The following TNFRSF8 variants were observed in gnomAD, a reference collection of about 807,000 sequenced individuals.
The protein encoded by TNFRSF8 is tumor necrosis factor receptor superfamily member 8.
In TNFRSF8, 26 loss-of-function variants were observed where a neutral mutation model predicts 70.8. That is an observed-to-expected ratio of 0.37 (90% CI 0.27 to 0.51). TNFRSF8 has a LOEUF of 0.51. Ranked by LOEUF, TNFRSF8 falls within the 20% of genes least tolerant of loss-of-function variation. The pLI is 0.94. For missense variants in TNFRSF8, 720 were observed against 807.9 expected, an observed-to-expected ratio of 0.89 and a Z score of 1.32; for synonymous variants, 356 against 339.2, an observed-to-expected ratio of 1.05 and a Z score of -0.54.
In TNFRSF8 at chr1:12,115,665, C is replaced by G. The variant is rs765891942; in HGVS notation, c.882C>G (p.Thr294=). ...GCATGATCTGTGCCACATCAGCCACCAACTCCTGTGCCCGCTGTGTCCCCT... is the reference window on the plus strand; with the variant it reads ...GCATGATCTGTGCCACATCAGCCACGAACTCCTGTGCCCGCTGTGTCCCCT... The part of the protein sequence containing the change: ...RPGMICATSA[T]NSCARCVPYP... Residue 294 remains threonine, a synonymous_variant, in exon 8 of 15, where the codon ACC becomes ACG. Transcript: ENST00000263932. 6.2e-7 allele frequency: 1 copy of G among 1,614,182 alleles called. No homozygotes were observed. Among genetic ancestry groups the G allele is most frequent in the Non-Finnish European group, 8.5e-7 (1 of 1,180,018 alleles).
At chr1:12,123,180 A>T in intron 8 of TNFRSF8, 104 bp from the exon 9 acceptor site, 1 of 919,978 alleles carries the variant, frequency 1.1e-6, no homozygotes, top group Non-Finnish European at 1.7e-6. Context: ...CTTAGCTCCC[A>T]CGGTGTTGCC....
Position 12,137,558 on chromosome 1 carries a change from GTTTTTTTTTTGT to G in TNFRSF8, c.1336-661_1336-650del, listed in dbSNP as rs1279878177. Among the ~76,000 whole-genome samples the G allele has an allele frequency of 1.6e-4, 22 of 135,228 alleles. No homozygotes were observed. In the East Asian group the frequency reaches 3.9e-3, roughly 24 times the overall value. 88.7% of individuals were successfully genotyped at this position (135,228 alleles called of 152,430 possible). A position where few individuals can be genotyped will look rare whatever the true frequency, so the allele number is the denominator to read the frequency against. On this transcript the variant is annotated intron_variant, in intron 13 of 14. Transcript: ENST00000263932. ...CATAGCTGTTTTTTTGTTTTTTTTT[GTTTTTTTTTTGT>G]TTTTTTTTTAGCATTTAGAAAATAT...
intron 12 of TNFRSF8, among the ~76,000 whole-genome samples, chr1:12,126,852 C>T (rs867046708): frequency 2.0e-5 from 3 of 152,368 alleles, no homozygotes; most frequent in Middle Eastern, 3.4e-3. Context: ...GGCTGTTAAG[C>T]GCATCGTGGA....
At chr1:12,083,126 C>T (rs1641094199) in intron 1 of TNFRSF8, among the ~76,000 whole-genome samples, 1 of 152,162 alleles carries the variant, frequency 6.6e-6, no homozygotes, top group Non-Finnish European at 1.5e-5. Context: ...ACAGATCCAA[C>T]AAGATGGCTA....
In TNFRSF8 at chr1:12,112,102, G is replaced by C. The variant is rs1641644183; in HGVS notation, c.793+88G>C. 2 of 954,872 alleles carry C rather than the reference G, an allele frequency of 2.1e-6. No individual in the cohort carries two copies. The highest frequency in any genetic ancestry group is 3.3e-5 in the African/African-American group (2 of 60,522). The allele number at this position is 954,872 out of a possible 1,614,324, so 59.1% of individuals were successfully genotyped here. A position where few individuals can be genotyped will look rare whatever the true frequency, so the allele number is the denominator to read the frequency against. ...CCAGTAACTACTCCCCCTTATGTTT[G>C]TGGGTTTTTGATGGGGGTCGCCTCT... On this transcript the variant is annotated intron_variant, in intron 7 of 14. Transcript: ENST00000263932. The surrounding 1 kb of genome is among the most constrained non-coding windows in gnomAD (Gnocchi z 5.3).
chr1:12,136,182 A>G (rs1330178570), intron 13 of TNFRSF8, among the ~76,000 whole-genome samples: 1 of 152,030 alleles, frequency 6.6e-6, no homozygotes, highest in Non-Finnish European at 1.5e-5. Flanking sequence ...ATACACAACC[A>G]TAATGCTAGT....
Position 12,080,670 on chromosome 1 carries a change from G to T in TNFRSF8, c.64-3794G>T, listed in dbSNP as rs552327931. 156 of 246,704 alleles carry T rather than the reference G, an allele frequency of 6.3e-4. 2 individuals carry two copies. The highest frequency in any genetic ancestry group is 3.4e-3 in the African/African-American group (146 of 43,570). The allele number at this position is 246,704 out of a possible 1,614,324, so 15.3% of individuals were successfully genotyped here. Reference sequence around the variant, plus strand: ...CCTCCCAGATTCAAGCGATTCTCATGCCTCAGCCTCCTGAGTAGCTGGGAT... The same window carrying T: ...CCTCCCAGATTCAAGCGATTCTCATTCCTCAGCCTCCTGAGTAGCTGGGAT... On this transcript the variant is annotated intron_variant, in intron 1 of 14. Coordinates refer to ENST00000263932, the MANE Select transcript of TNFRSF8 (RefSeq NM_001243.5).
intron 4 of TNFRSF8, among the ~76,000 whole-genome samples, chr1:12,105,706 G>A (rs1332681524): frequency 1.3e-5 from 2 of 152,184 alleles, no homozygotes; most frequent in African/African-American, 2.4e-5. Context: ...GGGAGGCCAA[G>A]GCAGGCAGAT....
In TNFRSF8 at chr1:12,104,442, G is replaced by A. The variant is rs1238276488; in HGVS notation, c.332G>A (p.Gly111Asp). 6.2e-7 allele frequency: 1 copy of A among 1,614,134 alleles called. No individual in the cohort carries two copies. The highest frequency in any genetic ancestry group is 8.5e-7 in the Non-Finnish European group (1 of 1,180,030). The change falls in exon 4 of 15, where the codon GGC becomes GAC. Residue 111 changes from glycine to aspartate, a missense_variant. Transcript: ENST00000263932. Reference sequence around the variant, plus strand: ...TCCCGTGTCTGCGAATGTCGACCCGGCATGTTCTGTTCCACGTCTGCCGTC... The same window carrying A: ...TCCCGTGTCTGCGAATGTCGACCCGACATGTTCTGTTCCACGTCTGCCGTC... Reference protein sequence around the residue: ...NSSRVCECRPGMFCSTSAVNS... With the variant: ...NSSRVCECRPDMFCSTSAVNS...
At position 12,142,767 on chromosome 1, in the gene TNFRSF8, C is replaced by T; in HGVS notation, c.*236C>T. ...CCGGGGCTTGTACAGAAGAGACAGT[C>T]CAAGGGGACTGGATCCCAGCAGTGA... On this transcript the variant is annotated 3_prime_UTR_variant, in exon 15 of 15. Coordinates refer to ENST00000263932, the MANE Select transcript of TNFRSF8 (RefSeq NM_001243.5). This position sits in a 1 kb window ranked among gnomAD's most constrained non-coding sequence, Gnocchi z 5.0. 1.8e-6 allele frequency: 1 copy of T among 545,198 alleles called. No individual in the cohort carries two copies. 33.8% of individuals were successfully genotyped at this position (545,198 alleles called of 1,614,324 possible).
At chr1:12,128,720 GC>G (rs1641989404) in intron 12 of TNFRSF8, among the ~76,000 whole-genome samples, 2 of 152,028 alleles carry the variant, frequency 1.3e-5, no homozygotes, top group Non-Finnish European at 2.9e-5. Context: ...ACGTTGTACA[GC>G]CCCTCTAGAT....
intron 3 of TNFRSF8, among the ~76,000 whole-genome samples, chr1:12,101,630 G>A (rs1233754779): frequency 6.6e-6 from 1 of 152,122 alleles, no homozygotes; most frequent in Non-Finnish European, 1.5e-5. Context: ...CATTGCCGTG[G>A]CTATGACATC....
chr1:12,141,753 G>A lies in TNFRSF8; in HGVS notation c.1544-534G>A, dbSNP rs779832599. On this transcript the variant is annotated intron_variant, in intron 14 of 14. Coordinates refer to ENST00000263932, the MANE Select transcript of TNFRSF8 (RefSeq NM_001243.5). The surrounding 1 kb of genome is among the most constrained non-coding windows in gnomAD (Gnocchi z 5.4). Reference sequence around the variant, plus strand: ...GGCTGCAGGCACACAGATAGGAGCAGAAAGGGCCACCAGGCGGAGTGGGTG... The same window carrying A: ...GGCTGCAGGCACACAGATAGGAGCAAAAAGGGCCACCAGGCGGAGTGGGTG... Among the ~76,000 whole-genome samples the A allele has an allele frequency of 3.3e-5, 5 of 152,220 alleles. No individual in the cohort carries two copies. Among genetic ancestry groups the A allele is most frequent in the Non-Finnish European group, 7.4e-5 (5 of 68,020 alleles).
At chr1:12,130,796 C>G (rs984981158) in intron 12 of TNFRSF8, among the ~76,000 whole-genome samples, 2 of 152,242 alleles carry the variant, frequency 1.3e-5, no homozygotes, top group African/African-American at 4.8e-5. Context: ...TACAAGAAGA[C>G]AGTGGTTATT....
chr1:12,114,156 A>T (rs996467688), intron 7 of TNFRSF8, among the ~76,000 whole-genome samples: 1 of 152,050 alleles, frequency 6.6e-6, no homozygotes, highest in Non-Finnish European at 1.5e-5. Context: ...CGCCTCTCCC[A>T]CTTGATAGCC....
chr1:12,102,443 C>T (rs899347449), intron 3 of TNFRSF8, among the ~76,000 whole-genome samples: 2 of 152,222 alleles, frequency 1.3e-5, no homozygotes, highest in African/African-American at 2.4e-5. Flanking sequence ...GAGTTGTCTT[C>T]GTTTCTGATC....
At chr1:12,118,980 T>G (rs998527682) in intron 8 of TNFRSF8, among the ~76,000 whole-genome samples, 2 of 152,208 alleles carry the variant, frequency 1.3e-5, no homozygotes, top group Non-Finnish European at 2.9e-5. Context: ...TTTTCCTGCC[T>G]CAGCCTCCTG....
intron 1 of TNFRSF8, among the ~76,000 whole-genome samples, chr1:12,084,007 C>T (rs1038399489): frequency 1.2e-4 from 18 of 151,984 alleles, no homozygotes. Flanking sequence ...TTGCCTGGTG[C>T]GTTCATCTTG....
At chr1:12,134,725 T>C (rs940757375) in intron 12 of TNFRSF8, among the ~76,000 whole-genome samples, 6 of 152,220 alleles carry the variant, frequency 3.9e-5, no homozygotes, top group African/African-American at 1.4e-4. Context: ...CACAGCAGAC[T>C]GGCTTCGGGC....
Sources: allele counts gnomAD v4.1 joint callset (sites outside exome capture counted in the v4.1 genomes callset), GRCh38; gene constraint gnomAD v4.1.1; non-coding constraint Gnocchi (gnomAD v3.1); transcripts MANE v1.5; gene names NCBI Gene and HGNC (gene_info 2026-07-23, HGNC 2026-07-21).